APP: variants seen among roughly 807,000 people sequenced by gnomAD.
APP encodes the protein amyloid beta precursor protein, also known as amyloid-beta precursor protein.
A neutral mutation model predicts 101.4 loss-of-function variants in APP; 31 were observed. That is an observed-to-expected ratio of 0.31 (90% CI 0.23 to 0.41). The LOEUF is 0.41. APP is among the 10% of genes least tolerant of loss of function. The probability of loss-of-function intolerance (pLI) is 1.00; values close to 1 mark genes in which losing one functional copy is unlikely to be tolerated. For synonymous variants in APP, 366 were observed against 364.4 expected, an observed-to-expected ratio of 1.00 and a Z score of -0.05; for missense variants, 839 against 1,003.7, an observed-to-expected ratio of 0.84 and a Z score of 2.22.
chr21:25,983,881 A>G (rs141875579), intron 8 of APP, among the ~76,000 whole-genome samples: 38 of 152,308 alleles, frequency 2.5e-4, no homozygotes, highest in African/African-American at 8.9e-4. Context: ...GGAAAGAGTC[A>G]TGTGGGGATT....
Position 25,955,749 on chromosome 21 carries a change from G to T in APP, c.1465C>A (p.His489Asn). The change falls in exon 12 of 18, where the codon CAC becomes AAC. Residue 489 changes from histidine (H) to asparagine (N), a missense_variant. Transcript: ENST00000346798. ...ALQAVPPRPR[H>N]VFNMLKKYVR... ...TACTTCTTTAGCATATTGAACACGT[G>T]ACGAGGCTGTGGGAGGAAAATGAAA... 1 of 1,614,152 alleles carries T rather than the reference G, an allele frequency of 6.2e-7. No homozygotes were observed. Among genetic ancestry groups the T allele is most frequent in the Non-Finnish European group, 8.5e-7 (1 of 1,180,022 alleles).
chr21:26,053,135 T>G, intron 4 of APP, 101 bp downstream of exon 4: 1 of 908,458 alleles, frequency 1.1e-6, no homozygotes, highest in Non-Finnish European at 1.9e-6. Context: ...CTTAAATAAC[T>G]TATCAACATA....
At chr21:25,953,392 A>C (rs756250077) in intron 13 of APP, among the ~76,000 whole-genome samples, 18 of 44,212 alleles carry the variant, frequency 4.1e-4, no homozygotes, top group Non-Finnish European at 5.4e-4. Flanking sequence ...GCAGAATAAC[A>C]CTGGCATAAA....
chr21:26,105,923 T>C (rs1309437879), intron 2 of APP, among the ~76,000 whole-genome samples: 1 of 152,178 alleles, frequency 6.6e-6, no homozygotes, highest in Non-Finnish European at 1.5e-5. Flanking sequence ...TCATCCCTCT[T>C]CTGGCAACAG....
intron 13 of APP, chr21:25,942,414 A>G (rs932589039): frequency 1.3e-5 from 2 of 152,186 alleles, no homozygotes; most frequent in African/African-American, 4.8e-5. Context: ...GAACGAGCTG[A>G]AAACTAAGAT....
At chr21:26,117,383 G>C (rs969732448) in intron 1 of APP, among the ~76,000 whole-genome samples, 2 of 152,328 alleles carry the variant, frequency 1.3e-5, no homozygotes, top group Admixed American at 1.3e-4. Context: ...CCTTTCAGGG[G>C]AATAATTCAT....
intron 11 of APP, among the ~76,000 whole-genome samples, chr21:25,964,846 C>T (rs941653044): frequency 1.3e-5 from 2 of 152,080 alleles, no homozygotes; most frequent in African/African-American, 4.8e-5. Context: ...GTGATCCACC[C>T]GCCTTGGCCT....
intron 5 of APP, among the ~76,000 whole-genome samples, chr21:26,050,259 A>G (rs1018869437): frequency 6.6e-6 from 1 of 152,220 alleles, no homozygotes; most frequent in African/African-American, 2.4e-5. Flanking sequence ...TACTGAAGGA[A>G]TAAGATAAGT....
chr21:26,093,986 C>A (rs1170820862), intron 2 of APP, among the ~76,000 whole-genome samples: 1 of 151,974 alleles, frequency 6.6e-6, no homozygotes, highest in Non-Finnish European at 1.5e-5. Flanking sequence ...TCATGGCACA[C>A]GCCTGTTAAG....
chr21:26,053,924 G>T (rs1374176090), intron 3 of APP, among the ~76,000 whole-genome samples: 2 of 152,092 alleles, frequency 1.3e-5, no homozygotes, highest in Non-Finnish European at 2.9e-5. Context: ...AATCTTTAAA[G>T]AAAATGTATA....
chr21:25,924,621 G>C (rs1419072519), intron 13 of APP, among the ~76,000 whole-genome samples: 1 of 150,048 alleles, frequency 6.7e-6, no homozygotes, highest in Non-Finnish European at 1.5e-5. Flanking sequence ...CAGGGGTGGG[G>C]TGAAAGGGGA....
intron 1 of APP, among the ~76,000 whole-genome samples, chr21:26,123,422 T>C (rs898892953): frequency 6.6e-6 from 1 of 152,220 alleles, no homozygotes; most frequent in Non-Finnish European, 1.5e-5. Flanking sequence ...CTTATTTAGT[T>C]TAAGCCAAGA....
chr21:26,167,582 A>G (rs2063645187), intron 1 of APP, among the ~76,000 whole-genome samples: 1 of 152,232 alleles, frequency 6.6e-6, no homozygotes, highest in South Asian at 2.1e-4. Context: ...CTAGTATGCA[A>G]AAAACAGTAA....
At chr21:26,023,842 CA>C (rs369339214) in intron 5 of APP, among the ~76,000 whole-genome samples, 303 of 152,228 alleles carry the variant, frequency 2.0e-3, no homozygotes, top group African/African-American at 6.9e-3. Flanking sequence ...TGCTGGTGGT[CA>C]GGGGAAAATA....
At chr21:25,895,824 T>TC (rs751391391) in intron 16 of APP, among the ~76,000 whole-genome samples, 8 of 152,202 alleles carry the variant, frequency 5.3e-5, no homozygotes, top group Non-Finnish European at 1.0e-4. Context: ...TGTGAGGTAA[T>TC]CAGGAATAAA....
At chr21:26,133,394 A>G (rs1214959321) in intron 1 of APP, among the ~76,000 whole-genome samples, 1 of 152,236 alleles carries the variant, frequency 6.6e-6, no homozygotes, top group Non-Finnish European at 1.5e-5. Flanking sequence ...CTAATTTTGA[A>G]TGTCTGAATT....
At chr21:26,067,441 C>G (rs1408015980) in intron 3 of APP, among the ~76,000 whole-genome samples, 7 of 152,178 alleles carry the variant, frequency 4.6e-5, no homozygotes, top group Non-Finnish European at 1.0e-4. Flanking sequence ...GGAGTAGTGA[C>G]TTGAATGTGG....
chr21:26,081,621 CAG>C (rs2061601318), intron 3 of APP, among the ~76,000 whole-genome samples: 2 of 152,174 alleles, frequency 1.3e-5, no homozygotes, highest in Admixed American at 6.5e-5. Context: ...GTGCAGGTCA[CAG>C]GGGATGGTTT....
chr21:25,933,248 A>AC (rs1453504918), intron 13 of APP, among the ~76,000 whole-genome samples: 2 of 152,108 alleles, frequency 1.3e-5, no homozygotes, highest in Non-Finnish European at 2.9e-5. Context: ...ACAGGCATGC[A>AC]CCATCACACC....
Sources: allele counts gnomAD v4.1 joint callset (sites outside exome capture counted in the v4.1 genomes callset), GRCh38; gene constraint gnomAD v4.1.1; transcripts MANE v1.5; gene names NCBI Gene and HGNC (gene_info 2026-07-23, HGNC 2026-07-21).